LOC400499: variants seen among roughly 807,000 people sequenced by gnomAD.
At chr16:11,442,129 G>A in the LOC400499 span, 14 of 152,280 alleles carry the variant, frequency 9.2e-5, no homozygotes, top group South Asian at 1.2e-3. Context: ...AAGGGTGCTC[G>A]GCTTTACTTT....
chr16:11,390,046 G>C, the LOC400499 span: 8 of 1,103,578 alleles, frequency 7.2e-6, no homozygotes, highest in East Asian at 1.9e-4. Context: ...AAAGCATTCA[G>C]CACTGCACCT....
chr16:11,451,591 C>CA, the LOC400499 span, among the ~76,000 whole-genome samples: 1 of 151,652 alleles, frequency 6.6e-6, no homozygotes, highest in Non-Finnish European at 1.5e-5. Flanking sequence ...AAAAACCAAA[C>CA]AAAAAACACA....
the LOC400499 span, chr16:11,372,778 C>A: frequency 4.1e-6 from 4 of 968,978 alleles, no homozygotes; most frequent in Non-Finnish European, 3.7e-6. Context: ...GCTATGGGCC[C>A]CTGAGGAGAG....
the LOC400499 span, chr16:11,387,272 A>G: frequency 8.1e-7 from 1 of 1,232,288 alleles, no homozygotes; most frequent in Non-Finnish European, 1.0e-6. Context: ...CAACAGTGGC[A>G]GCATCACCAC....
chr16:11,454,461 T>C, the LOC400499 span, among the ~76,000 whole-genome samples: 16 of 152,256 alleles, frequency 1.1e-4, no homozygotes, highest in African/African-American at 3.8e-4. Context: ...ATGTCTCTAT[T>C]AGAAAAGAAA....
chr16:11,522,042 G>T, the LOC400499 span: 1 of 399,044 alleles, frequency 2.5e-6, no homozygotes, highest in East Asian at 3.6e-5. Flanking sequence ...CGTCCTGCAG[G>T]CTGGTGCTGG....
chr16:11,383,098 C>G, the LOC400499 span, among the ~76,000 whole-genome samples: 1 of 140,658 alleles, frequency 7.1e-6, no homozygotes. Context: ...CGGAGTCTCA[C>G]TCTGTTGCCC....
chr16:11,512,924 T>C, the LOC400499 span, among the ~76,000 whole-genome samples: 2 of 151,888 alleles, frequency 1.3e-5, no homozygotes. Context: ...AATCCCAAGG[T>C]CCCATCTAGT....
the LOC400499 span, chr16:11,502,013 C>T: frequency 2.5e-6 from 1 of 398,490 alleles, no homozygotes; most frequent in Non-Finnish European, 4.4e-6. Flanking sequence ...CACGAAGACT[C>T]CTTTAACCCA....
the LOC400499 span, among the ~76,000 whole-genome samples, chr16:11,437,831 G>A: frequency 3.9e-5 from 6 of 152,016 alleles, no homozygotes; most frequent in Admixed American, 2.0e-4. Flanking sequence ...ATCATGCCAC[G>A]GCACTCCAGC....
chr16:11,391,371 T>C, the LOC400499 span, among the ~76,000 whole-genome samples: 1 of 148,178 alleles, frequency 6.7e-6, no homozygotes, highest in Non-Finnish European at 1.5e-5. Flanking sequence ...GAAACAAGGC[T>C]GTATACTCAA....
the LOC400499 span, among the ~76,000 whole-genome samples, chr16:11,448,666 G>A: frequency 1.3e-5 from 2 of 152,308 alleles, no homozygotes; most frequent in African/African-American, 4.8e-5. Flanking sequence ...ATTCGAGGCT[G>A]CAGTGAGCTA....
the LOC400499 span, among the ~76,000 whole-genome samples, chr16:11,511,263 C>G: frequency 6.6e-6 from 1 of 152,160 alleles, no homozygotes; most frequent in Non-Finnish European, 1.5e-5. Flanking sequence ...TCCCAAGGTG[C>G]TGGGATTACA....
the LOC400499 span, chr16:11,443,554 G>C: frequency 6.3e-6 from 2 of 317,414 alleles, no homozygotes; most frequent in Non-Finnish European, 1.2e-5. Context: ...ATAAATGCTT[G>C]CTGAAAAATA....
chr16:11,502,541 T>TAATTATTCTA, the LOC400499 span, among the ~76,000 whole-genome samples: 1 of 152,166 alleles, frequency 6.6e-6, no homozygotes, highest in Non-Finnish European at 1.5e-5. Context: ...GATTGTAATA[T>TAATTATTCTA]AATTATTCTA....
At chr16:11,399,773 G>C in the LOC400499 span, 1 of 398,766 alleles carries the variant, frequency 2.5e-6, no homozygotes, top group Admixed American at 4.4e-5. Flanking sequence ...GCCCAGGTGA[G>C]CTGCAGCGTC....
At chr16:11,467,458 A>G in the LOC400499 span, among the ~76,000 whole-genome samples, 8 of 134,142 alleles carry the variant, frequency 6.0e-5, no homozygotes, top group Non-Finnish European at 1.3e-4. Context: ...AAAATATAAA[A>G]AAAAGAAGCC....
At chr16:11,421,368 A>G in the LOC400499 span, among the ~76,000 whole-genome samples, 49 of 151,798 alleles carry the variant, frequency 3.2e-4, 1 homozygote, top group South Asian at 6.9e-3. Flanking sequence ...CCTTGAGCTG[A>G]TAAGTTTTAT....
chr16:11,388,834 G>A, the LOC400499 span, among the ~76,000 whole-genome samples: 1 of 152,188 alleles, frequency 6.6e-6, no homozygotes, highest in African/African-American at 2.4e-5. Flanking sequence ...GGTGGCTCAT[G>A]CCTATAATCC....
Sources: gnomAD v4.1 joint callset for allele counts (sites outside exome capture counted in the v4.1 genomes callset) on GRCh38, gnomAD v4.1.1 for gene constraint, MANE v1.5 for transcripts.